The following CDKL1 variants were observed in gnomAD, a reference collection of about 807,000 sequenced individuals.
The protein encoded by CDKL1 is cyclin dependent kinase like 1, also known as cyclin-dependent kinase-like 1.
CDKL1 carries 41 observed loss-of-function variants against 42.0 expected under a neutral mutation model. That is an observed-to-expected ratio of 0.98 (90% CI 0.76 to 1.27). The LOEUF (loss-of-function observed/expected upper bound fraction) is 1.27. Ranked by LOEUF, CDKL1 falls within the 50% of genes most tolerant of loss-of-function variation. The probability of loss-of-function intolerance (pLI) is 0.00; values close to 1 mark genes in which losing one functional copy is unlikely to be tolerated. For synonymous variants in CDKL1, 153 were observed against 158.6 expected (o/e 0.96, Z 0.26); for missense variants, 394 against 428.4 (o/e 0.92, Z 0.71).
rs1414988311 is a variant in CDKL1, at chr14:50,365,285, T to C, written c.169-6136A>G. 2.0e-5 allele frequency among the ~76,000 whole-genome samples: 3 copies of C among 152,172 alleles called. No homozygotes were observed. In the East Asian group the frequency reaches 5.8e-4, roughly 29 times the overall value. ...GATATATATTGCCAAATTGCTTCCT[T>C]TGAGGGCTTACAGTGCCTCTGGCAA... On this transcript the variant is annotated intron_variant, in intron 2 of 9. Coordinates refer to ENST00000395834, the MANE Select transcript of CDKL1 (RefSeq NM_004196.7).
At chr14:50,363,114 T>C in intron 2 of CDKL1, 1 of 281,236 alleles carries the variant, frequency 3.6e-6, no homozygotes, top group South Asian at 3.2e-5. Context: ...AGCTTCACTC[T>C]TGAGCCAGGG....
At chr14:50,375,287 T>C (rs937912409) in intron 2 of CDKL1, among the ~76,000 whole-genome samples, 2 of 152,114 alleles carry the variant, frequency 1.3e-5, no homozygotes, top group African/African-American at 4.8e-5. Flanking sequence ...AAATAAATGA[T>C]TGACTGGATG....
rs1237271321 is a variant in CDKL1 at position 50,328,999 on chromosome 14, T to C, written c.*1075A>G. 1 of 149,016 alleles carries C rather than the reference T, an allele frequency of 6.7e-6. No homozygotes were observed. Among genetic ancestry groups the C allele is most frequent in the Non-Finnish European group, 1.5e-5 (1 of 67,536 alleles). 9.2% of individuals were successfully genotyped at this position (149,016 alleles called of 1,614,324 possible). On this transcript the variant is annotated 3_prime_UTR_variant, in exon 10 of 10. Coordinates refer to ENST00000395834, the MANE Select transcript of CDKL1 (RefSeq NM_004196.7). ...GCAAAGCTATGAGTCCTCAATACTTTGGACTACTTAGTGTAATATATTAGT... is the reference window on the plus strand; with the variant it reads ...GCAAAGCTATGAGTCCTCAATACTTCGGACTACTTAGTGTAATATATTAGT...
chr14:50,348,556 A>C (rs1361531242), intron 3 of CDKL1, among the ~76,000 whole-genome samples: 2 of 152,228 alleles, frequency 1.3e-5, no homozygotes, highest in Non-Finnish European at 2.9e-5. Flanking sequence ...CCCGGCAGGC[A>C]GACTTCACTC....
At chr14:50,367,279 G>A (rs1040802748) in intron 2 of CDKL1, among the ~76,000 whole-genome samples, 2 of 152,218 alleles carry the variant, frequency 1.3e-5, no homozygotes, top group Non-Finnish European at 2.9e-5. Context: ...CTGGGTTGGG[G>A]TCGAGTGACC....
intron 3 of CDKL1, among the ~76,000 whole-genome samples, chr14:50,354,147 G>T (rs1595304604): frequency 6.6e-6 from 1 of 152,058 alleles, no homozygotes; most frequent in East Asian, 1.9e-4. Flanking sequence ...TAGAGACGGG[G>T]TTTCACCATG....
chr14:50,332,161 G>C (rs1194137567), intron 9 of CDKL1, 101 bp downstream of exon 9: 1 of 1,613,608 alleles, frequency 6.2e-7, no homozygotes, highest in Non-Finnish European at 8.5e-7. Flanking sequence ...CCTAGTGCTG[G>C]AATGAGGATG....
chr14:50,356,081 G>A (rs932464732), intron 3 of CDKL1, among the ~76,000 whole-genome samples: 1 of 152,138 alleles, frequency 6.6e-6, no homozygotes, highest in African/African-American at 2.4e-5. Context: ...GACATTCTGA[G>A]GGTAAGTATA....
intron 6 of CDKL1, among the ~76,000 whole-genome samples, chr14:50,340,452 G>A (rs1490718220): frequency 2.0e-5 from 3 of 152,036 alleles, no homozygotes; most frequent in Non-Finnish European, 4.4e-5. Flanking sequence ...CACTACTGAT[G>A]GGTTTTTTTT....
At chr14:50,334,517 T>C (rs746198224) in intron 8 of CDKL1, 48 bp downstream of exon 8, 8 of 1,024,230 alleles carry the variant, frequency 7.8e-6, no homozygotes, top group Admixed American at 7.5e-5. Context: ...TCCCCAGTGA[T>C]GACAACTGCT....
At chr14:50,377,719 T>A in intron 2 of CDKL1, 1 of 1,286,102 alleles carries the variant, frequency 7.8e-7, no homozygotes, top group South Asian at 1.4e-5. Flanking sequence ...GGGTGTAAGC[T>A]TGCTTCGGCA....
intron 2 of CDKL1, among the ~76,000 whole-genome samples, chr14:50,387,609 AG>A (rs2035126349): frequency 6.6e-6 from 1 of 151,986 alleles, no homozygotes; most frequent in Non-Finnish European, 1.5e-5. Flanking sequence ...ATCAGACATG[AG>A]GACCCCAGTT....
chr14:50,359,782 A>G (rs114446917), intron 2 of CDKL1, among the ~76,000 whole-genome samples: 112 of 135,974 alleles, frequency 8.2e-4, no homozygotes, highest in African/African-American at 3.1e-3. Flanking sequence ...TATGCCTGAA[A>G]ATGTGTGTCT....
intron 2 of CDKL1, among the ~76,000 whole-genome samples, chr14:50,375,642 C>T (rs139150962): frequency 0.021 from 3,223 of 152,184 alleles, 108 homozygotes; most frequent in African/African-American, 0.073. Flanking sequence ...ACTAAAAATA[C>T]AAAAATTAGC....
intron 7 of CDKL1, among the ~76,000 whole-genome samples, chr14:50,338,291 A>G (rs939103299): frequency 6.6e-6 from 1 of 151,802 alleles, no homozygotes; most frequent in Admixed American, 6.6e-5. Context: ...GGTGTGGTGC[A>G]ATATCGGCTC....
intron 9 of CDKL1, chr14:50,331,066 C>G (rs1455261013): frequency 2.0e-5 from 3 of 152,188 alleles, no homozygotes; most frequent in African/African-American, 7.2e-5. Flanking sequence ...AACCCTGTCT[C>G]TACTAAAAAT....
chr14:50,335,393 C>A, intron 7 of CDKL1: 3 of 1,205,432 alleles, frequency 2.5e-6, no homozygotes, highest in Non-Finnish European at 3.5e-6. Context: ...TGAACAGATG[C>A]TTCTTGATTT....
chr14:50,332,078 A>G (rs747914502), intron 9 of CDKL1, 184 bp downstream of exon 9: 2 of 1,560,082 alleles, frequency 1.3e-6, no homozygotes, highest in South Asian at 1.1e-5. Flanking sequence ...GGGCACCTTT[A>G]GGATTCAGGG....
chr14:50,326,690 T>A lies in CDKL1; in HGVS notation c.*3384A>T. ...ATACAAATAGTTTTGCAGATTGCAA[T>A]ATAATAAAGGAAACAGTAAAAACTA... On this transcript the variant is annotated 3_prime_UTR_variant, in exon 10 of 10. Coordinates refer to ENST00000395834, the MANE Select transcript of CDKL1 (RefSeq NM_004196.7). The A allele has an allele frequency of 1.0e-6, 1 of 985,346 alleles. No homozygotes were observed. The allele number at this position is 985,346 out of a possible 1,614,324, so 61.0% of individuals were successfully genotyped here.
Sources: allele counts gnomAD v4.1 joint callset (sites outside exome capture counted in the v4.1 genomes callset), GRCh38; gene constraint gnomAD v4.1.1; transcripts MANE v1.5; gene names NCBI Gene and HGNC (gene_info 2026-07-23, HGNC 2026-07-21).